FMNL2: variants seen among roughly 807,000 people sequenced by gnomAD.
FMNL2 encodes formin-like protein 2.
A neutral mutation model predicts 130.2 loss-of-function variants in FMNL2; 51 were observed. The ratio of observed to expected loss-of-function variants is 0.39; its 90% CI spans 0.31 to 0.49. The LOEUF is 0.49. FMNL2 is among the 20% of genes least tolerant of loss of function. FMNL2 has a pLI of 0.85. For synonymous variants in FMNL2, 465 were observed against 467.1 expected (o/e 1.00, Z 0.06); for missense variants, 977 against 1,316.2 (o/e 0.74, Z 3.99).
intron 1 of FMNL2, among the ~76,000 whole-genome samples, chr2:152,347,555 A>G (rs936390925): frequency 6.6e-6 from 1 of 152,214 alleles, no homozygotes; most frequent in African/African-American, 2.4e-5. Context: ...GGCCACAGAG[A>G]AAATGAGCAT....
intron 1 of FMNL2, among the ~76,000 whole-genome samples, chr2:152,347,809 C>T (rs897083321): frequency 8.5e-5 from 13 of 152,242 alleles, no homozygotes; most frequent in African/African-American, 3.1e-4. Context: ...GTTTGTTGGT[C>T]TCTCTTCTTT....
At chr2:152,583,410 T>C (rs113233322) in intron 9 of FMNL2, among the ~76,000 whole-genome samples, 27 of 152,174 alleles carry the variant, frequency 1.8e-4, no homozygotes, top group African/African-American at 6.0e-4. Flanking sequence ...AGTGAAAGTG[T>C]GGAGATTTAT....
intron 1 of FMNL2, among the ~76,000 whole-genome samples, chr2:152,365,902 A>C (rs1000842850): frequency 2.6e-5 from 4 of 152,204 alleles, no homozygotes; most frequent in African/African-American, 9.6e-5. Flanking sequence ...CAGGACTTGG[A>C]TTCAAATTGA....
chr2:152,540,742 G>GATGAC (rs1438865050), intron 2 of FMNL2, among the ~76,000 whole-genome samples: 1 of 151,640 alleles, frequency 6.6e-6, no homozygotes, highest in East Asian at 1.9e-4. Flanking sequence ...CCTAATGCTA[G>GATGAC]ATGACGAGTT....
intron 1 of FMNL2, among the ~76,000 whole-genome samples, chr2:152,348,821 T>TA: frequency 9.6e-6 from 1 of 104,160 alleles, no homozygotes; most frequent in Admixed American, 9.0e-5. Context: ...TCTAAGGGTT[T>TA]TTTTTTTTTT....
chr2:152,514,543 C>T (rs531271926), intron 1 of FMNL2, among the ~76,000 whole-genome samples: 1 of 152,114 alleles, frequency 6.6e-6, no homozygotes, highest in Non-Finnish European at 1.5e-5. Context: ...TAGTAATCCT[C>T]CCATATCCGT....
intron 1 of FMNL2, among the ~76,000 whole-genome samples, chr2:152,451,212 C>T (rs1468330305): frequency 6.6e-6 from 1 of 151,928 alleles, no homozygotes; most frequent in Non-Finnish European, 1.5e-5. Context: ...GTGGTGGCAC[C>T]ATCTTGGTTC....
intron 9 of FMNL2, among the ~76,000 whole-genome samples, chr2:152,591,887 A>C (rs1359974541): frequency 6.6e-6 from 1 of 152,122 alleles, no homozygotes; most frequent in Non-Finnish European, 1.5e-5. Flanking sequence ...GGTGATCACA[A>C]GGTCTGGAGT....
chr2:152,635,840 C>T (rs763081732), intron 21 of FMNL2, among the ~76,000 whole-genome samples: 14 of 152,140 alleles, frequency 9.2e-5, no homozygotes, highest in African/African-American at 1.2e-4. Context: ...TATGGTCAAC[C>T]GACAAAAGGC....
intron 3 of FMNL2, among the ~76,000 whole-genome samples, chr2:152,545,568 T>A (rs1694580412): frequency 6.6e-6 from 1 of 152,164 alleles, no homozygotes; most frequent in Non-Finnish European, 1.5e-5. Flanking sequence ...CAGGAAGTGA[T>A]TAGTCTGTGT....
intron 2 of FMNL2, among the ~76,000 whole-genome samples, chr2:152,528,485 G>A (rs1693518154): frequency 6.6e-6 from 1 of 152,128 alleles, no homozygotes; most frequent in Non-Finnish European, 1.5e-5. Context: ...GCTTGTGGCT[G>A]TGTAAATCCA....
At chr2:152,402,910 T>C (rs192457665) in intron 1 of FMNL2, among the ~76,000 whole-genome samples, 1 of 152,314 alleles carries the variant, frequency 6.6e-6, no homozygotes, top group East Asian at 1.9e-4. Context: ...GGGGATCCCA[T>C]CCAGGATGCG....
At chr2:152,422,438 C>CT (rs1686969708) in intron 1 of FMNL2, among the ~76,000 whole-genome samples, 1 of 152,086 alleles carries the variant, frequency 6.6e-6, no homozygotes, top group African/African-American at 2.4e-5. Context: ...TTGTCTCATT[C>CT]TTTTTTTGTT....
chr2:152,543,727 A>C (rs1384100071), intron 3 of FMNL2, among the ~76,000 whole-genome samples: 5 of 112,042 alleles, frequency 4.5e-5, no homozygotes, highest in East Asian at 2.8e-4. Context: ...CCACCCCCCG[A>C]CCAAAAAAAA....
intron 1 of FMNL2, among the ~76,000 whole-genome samples, chr2:152,476,129 A>G (rs944182682): frequency 2.6e-5 from 4 of 152,124 alleles, no homozygotes; most frequent in African/African-American, 9.7e-5. Flanking sequence ...CCTGTCTCAG[A>G]TGGTATCCTG....
chr2:152,601,382 C>T (rs1211517575), intron 9 of FMNL2, among the ~76,000 whole-genome samples: 1 of 148,484 alleles, frequency 6.7e-6, no homozygotes, highest in East Asian at 2.0e-4. Flanking sequence ...CTAACTGCAA[C>T]CTCCATCCCC....
At chr2:152,616,443 G>A (rs1698955583) in intron 12 of FMNL2, among the ~76,000 whole-genome samples, 1 of 145,312 alleles carries the variant, frequency 6.9e-6, no homozygotes, top group Non-Finnish European at 1.5e-5. Flanking sequence ...TGATTCTCCT[G>A]CCTCAGCCTC....
intron 1 of FMNL2, among the ~76,000 whole-genome samples, chr2:152,495,653 C>CAAACAAAAAAAAAAAAAA (rs1691468111): frequency 2.1e-5 from 1 of 48,546 alleles, no homozygotes. Flanking sequence ...TCCGTCTCAC[C>CAAACAAAAAAAAAAAAAA]AAAAAAAAAA....
At chr2:152,614,734 C>CTG in intron 11 of FMNL2, 117 bp from the exon 12 acceptor site, 1 of 748,176 alleles carries the variant, frequency 1.3e-6, no homozygotes, top group Non-Finnish European at 1.9e-6. Flanking sequence ...CAGAGTGAAA[C>CTG]TCCATCTCAA....
Sources: gnomAD v4.1 joint callset for allele counts (sites outside exome capture counted in the v4.1 genomes callset) on GRCh38, gnomAD v4.1.1 for gene constraint, MANE v1.5 for transcripts, NCBI Gene and HGNC (gene_info 2026-07-23, HGNC 2026-07-21) for gene names.